The following NXPE2 variants were observed in gnomAD, a reference collection of about 807,000 sequenced individuals.
The protein encoded by NXPE2 is neurexophilin and PC-esterase domain family member 2.
A neutral mutation model predicts 34.4 loss-of-function variants in NXPE2; 34 were observed. The ratio of observed to expected loss-of-function variants is 0.99; its 90% CI spans 0.75 to 1.31. NXPE2 has a LOEUF of 1.31. Ranked by LOEUF, NXPE2 falls within the 40% of genes most tolerant of loss-of-function variation. The pLI is 0.00. For missense variants in NXPE2, 649 were observed against 672.5 expected (o/e 0.97, Z 0.39); for synonymous variants, 235 against 231.3 (o/e 1.02, Z -0.15).
In NXPE2 at chr11:114,706,560, A is replaced by G. The variant is rs922764259; in HGVS notation, c.1310A>G (p.Gln437Arg). 3 of 1,551,796 alleles carry G rather than the reference A, an allele frequency of 1.9e-6. No individual in the cohort carries two copies. The African/African-American group carries it at 4.1e-5, about 21-fold the overall frequency. The change falls in exon 6 of 6, where the codon CAG becomes CGG. Residue 437 changes from glutamine to arginine, a missense_variant. Physicochemically the swap from Gln to Arg is conservative, Grantham distance 43 (BLOSUM62 1). Transcript: ENST00000389586. ...DENYIPREID[Q>R]VAGDKNTAIV... is the part of the protein sequence containing the mutation. ...AACTATATCCCACGGGAAATTGACCAGGTAGCAGGAGACAAAAACACAGCC... is the reference window on the plus strand; with the variant it reads ...AACTATATCCCACGGGAAATTGACCGGGTAGCAGGAGACAAAAACACAGCC...
chr11:114,737,205 A>C, the NXPE2 span, among the ~76,000 whole-genome samples: 1 of 152,208 alleles, frequency 6.6e-6, no homozygotes, highest in African/African-American at 2.4e-5. Flanking sequence ...CAGCACTGAT[A>C]TCAGCTAATG....
At chr11:114,702,971 A>G (rs917719741) in intron 3 of NXPE2, among the ~76,000 whole-genome samples, 2 of 152,174 alleles carry the variant, frequency 1.3e-5, no homozygotes, top group African/African-American at 4.8e-5. Context: ...CTTCCCCCAG[A>G]TGGATTTCAT....
At chr11:114,719,658 G>A in the NXPE2 span, among the ~76,000 whole-genome samples, 13 of 152,234 alleles carry the variant, frequency 8.5e-5, no homozygotes, top group Admixed American at 3.3e-4. Context: ...AGCAGCTGTC[G>A]CCAGCCTCAA....
At chr11:114,776,113 G>T in the NXPE2 span, among the ~76,000 whole-genome samples, 1 of 152,224 alleles carries the variant, frequency 6.6e-6, no homozygotes, top group African/African-American at 2.4e-5. Flanking sequence ...AGCTTGGGAG[G>T]GCCAGAAGTG....
the NXPE2 span, among the ~76,000 whole-genome samples, chr11:114,725,976 A>AATATATATAT: frequency 6.5e-3 from 659 of 101,660 alleles, 13 homozygotes; most frequent in Middle Eastern, 0.014. Flanking sequence ...ATAAAAAAAA[A>AATATATATAT]ATATATATAT....
the NXPE2 span, chr11:114,522,974 A>G: frequency 1.2e-6 from 2 of 1,613,718 alleles, no homozygotes; most frequent in Non-Finnish European, 1.7e-6. Flanking sequence ...ATTTATCTTA[A>G]TTGTGTCTAA....
chr11:114,754,437 C>T, the NXPE2 span, among the ~76,000 whole-genome samples: 1 of 152,170 alleles, frequency 6.6e-6, no homozygotes, highest in Non-Finnish European at 1.5e-5. Context: ...ATTTTAGAGG[C>T]TAAATGAGCC....
chr11:114,670,242 G>T, the NXPE2 span, among the ~76,000 whole-genome samples: 12 of 152,158 alleles, frequency 7.9e-5, no homozygotes, highest in Non-Finnish European at 1.8e-4. Flanking sequence ...AGAGCTTAGA[G>T]AAATCAAAAT....
At chr11:114,769,812 G>A in the NXPE2 span, among the ~76,000 whole-genome samples, 2 of 152,076 alleles carry the variant, frequency 1.3e-5, no homozygotes, top group East Asian at 1.9e-4. Flanking sequence ...GGGGCCTGTC[G>A]GGTTGGGGGG....
chr11:114,695,821 T>A (rs1951239415), intron 2 of NXPE2, among the ~76,000 whole-genome samples: 2 of 76,390 alleles, frequency 2.6e-5, no homozygotes, highest in African/African-American at 9.7e-5. Flanking sequence ...TGAAAGAACG[T>A]CTCTACTAAA....
At chr11:114,523,851 A>C in the NXPE2 span, among the ~76,000 whole-genome samples, 7 of 152,238 alleles carry the variant, frequency 4.6e-5, no homozygotes, top group Non-Finnish European at 7.3e-5. Flanking sequence ...AGGATTTGTT[A>C]TATCAGGACT....
the NXPE2 span, among the ~76,000 whole-genome samples, chr11:114,778,229 C>T: frequency 6.6e-6 from 1 of 152,040 alleles, no homozygotes; most frequent in African/African-American, 2.4e-5. Flanking sequence ...AAGAGTGTCC[C>T]AAACAGAAGG....
chr11:114,532,100 G>A, the NXPE2 span, among the ~76,000 whole-genome samples: 1 of 152,058 alleles, frequency 6.6e-6, no homozygotes, highest in Non-Finnish European at 1.5e-5. Flanking sequence ...CACATATAAA[G>A]CTTTGAAAAA....
At chr11:114,467,070 T>C in the NXPE2 span, among the ~76,000 whole-genome samples, 1 of 152,226 alleles carries the variant, frequency 6.6e-6, no homozygotes, top group Non-Finnish European at 1.5e-5. Flanking sequence ...ATTTATAACC[T>C]TCTGACTCCT....
chr11:114,735,845 C>T, the NXPE2 span, among the ~76,000 whole-genome samples: 2 of 152,160 alleles, frequency 1.3e-5, no homozygotes, highest in African/African-American at 2.4e-5. Context: ...AGGAGAAATT[C>T]AGCCAGATAT....
intron 2 of NXPE2, among the ~76,000 whole-genome samples, chr11:114,697,791 G>A (rs1353333363): frequency 1.3e-5 from 2 of 152,182 alleles, no homozygotes; most frequent in African/African-American, 2.4e-5. Context: ...GAAATAGTAT[G>A]TATTGATAAC....
the NXPE2 span, among the ~76,000 whole-genome samples, chr11:114,601,960 A>G: frequency 2.4e-5 from 2 of 83,218 alleles, no homozygotes; most frequent in African/African-American, 4.8e-5. Context: ...ATATAATATT[A>G]TATATTATAT....
At chr11:114,571,014 T>C in the NXPE2 span, 1 of 1,613,302 alleles carries the variant, frequency 6.2e-7, no homozygotes, top group Non-Finnish European at 8.5e-7. Context: ...ATTTGTGCCA[T>C]ATGCAATTGT....
At chr11:114,519,735 G>A in the NXPE2 span, among the ~76,000 whole-genome samples, 2 of 152,076 alleles carry the variant, frequency 1.3e-5, no homozygotes, top group African/African-American at 2.4e-5. Flanking sequence ...TATTTGTCTT[G>A]TGTGTGGGAC....
Sources: allele counts gnomAD v4.1 joint callset (sites outside exome capture counted in the v4.1 genomes callset), GRCh38; gene constraint gnomAD v4.1.1; transcripts MANE v1.5; gene names NCBI Gene and HGNC (gene_info 2026-07-23, HGNC 2026-07-21).